Variants in CNTNAP4 observed in about 807,000 individuals in gnomAD.
CNTNAP4 encodes contactin-associated protein-like 4.
A neutral mutation model predicts 148.4 loss-of-function variants in CNTNAP4; 98 were observed. The ratio of observed to expected loss-of-function variants is 0.66; its 90% CI spans 0.56 to 0.78. The LOEUF (loss-of-function observed/expected upper bound fraction) is 0.78. Among genes scored for constraint, CNTNAP4 ranks in the 30% least tolerant of loss-of-function variants. CNTNAP4 has a pLI of 0.00. For missense variants in CNTNAP4, 1,935 were observed against 1,565.6 expected (o/e 1.24, Z -3.98); for synonymous variants, 730 against 565.1 (o/e 1.29, Z -4.14).
intron 3 of CNTNAP4, among the ~76,000 whole-genome samples, chr16:76,410,648 T>C (rs2078760105): frequency 6.6e-6 from 1 of 151,754 alleles, no homozygotes; most frequent in Non-Finnish European, 1.5e-5. Flanking sequence ...ATTACATTAT[T>C]ACTAAATAAA....
Position 76,498,482 on chromosome 16 carries a change from AT to A in CNTNAP4, c.2238-82del. ...GATCCATACTCTTTTGTAGGTGCAA[AT>A]TTAGTTCAGAACATCTTGGTTTTGC... On this transcript the variant is annotated intron_variant, in intron 14 of 23. Transcript: ENST00000611870. The A allele has an allele frequency of 8.3e-6, 10 of 1,201,608 alleles. No individual in the cohort carries two copies. The South Asian group carries it at 1.6e-4, about 19-fold the overall frequency. The allele number at this position is 1,201,608 out of a possible 1,614,324, so 74.4% of individuals were successfully genotyped here.
rs1347269229 is a variant in CNTNAP4 at position 76,467,535 on chromosome 16, C to T, written c.1655+12C>T. On this transcript the variant is annotated intron_variant, in intron 10 of 23. Coordinates refer to ENST00000611870, the MANE Select transcript of CNTNAP4 (RefSeq NM_033401.5). ...GGCATCTCAGACAGGTAAGGGCAATCTCACTTCATTTTGACCTGCTTTCAA... is the reference window on the plus strand; with the variant it reads ...GGCATCTCAGACAGGTAAGGGCAATTTCACTTCATTTTGACCTGCTTTCAA... 6.3e-7 allele frequency: 1 copy of T among 1,576,184 alleles called. No homozygotes were observed.
intron 14 of CNTNAP4, among the ~76,000 whole-genome samples, chr16:76,497,877 TAAAAA>T (rs899938623): frequency 2.0e-5 from 3 of 150,952 alleles, no homozygotes; most frequent in African/African-American, 7.3e-5. Flanking sequence ...TTTCAAAAAA[TAAAAA>T]AGAAATCATA....
intron 1 of CNTNAP4, among the ~76,000 whole-genome samples, chr16:76,309,111 A>G (rs1351217460): frequency 1.3e-5 from 2 of 151,824 alleles, no homozygotes; most frequent in Non-Finnish European, 2.9e-5. Context: ...GGCCTATAAT[A>G]CTTTTTACCA....
intron 2 of CNTNAP4, among the ~76,000 whole-genome samples, chr16:76,340,430 A>G (rs1235311061): frequency 2.0e-5 from 3 of 151,978 alleles, no homozygotes; most frequent in South Asian, 2.1e-4. Flanking sequence ...ACATTTTTCA[A>G]ATTTCCCTTG....
At chr16:76,484,186 AAG>A (rs1023242398) in intron 12 of CNTNAP4, among the ~76,000 whole-genome samples, 10 of 148,330 alleles carry the variant, frequency 6.7e-5, no homozygotes, top group African/African-American at 9.9e-5. Flanking sequence ...TGTGTGGGGA[AAG>A]AGAGAGAGAG....
chr16:76,440,837 C>T (rs1270660450), intron 4 of CNTNAP4, among the ~76,000 whole-genome samples: 1 of 152,078 alleles, frequency 6.6e-6, no homozygotes, highest in Non-Finnish European at 1.5e-5. Flanking sequence ...TAGTAATTCA[C>T]TTGGGGGTGA....
chr16:76,382,085 AAAAGAG>A (rs2016040052), intron 3 of CNTNAP4, among the ~76,000 whole-genome samples: 2 of 151,280 alleles, frequency 1.3e-5, no homozygotes, highest in African/African-American at 4.8e-5. Context: ...AAAAAAAAAA[AAAAGAG>A]AAAGTTACCT....
chr16:76,423,270 G>T (rs546046452), intron 3 of CNTNAP4, among the ~76,000 whole-genome samples: 1 of 152,142 alleles, frequency 6.6e-6, no homozygotes, highest in East Asian at 1.9e-4. Flanking sequence ...GAACATAAAA[G>T]AATAGGATTT....
intron 17 of CNTNAP4, among the ~76,000 whole-genome samples, chr16:76,522,687 CT>C: frequency 3.3e-5 from 1 of 30,120 alleles, no homozygotes; most frequent in Non-Finnish European, 6.6e-5. Context: ...TCTTTCTCTC[CT>C]TTCTTTTCTT....
chr16:76,546,282 G>A (rs898998011), intron 21 of CNTNAP4, among the ~76,000 whole-genome samples: 25 of 152,296 alleles, frequency 1.6e-4, no homozygotes, highest in African/African-American at 4.8e-4. Context: ...CACGGGCCAC[G>A]GACAAGTACT....
chr16:76,496,107 G>GTGTGTGTGTGTGTGTGTGTGTA (rs1555576715), intron 14 of CNTNAP4, among the ~76,000 whole-genome samples: 62 of 151,202 alleles, frequency 4.1e-4, no homozygotes, highest in East Asian at 2.7e-3. Context: ...GTGTGTGTGT[G>GTGTGTGTGTGTGTGTGTGTGTA]CGTGTATTTC....
At chr16:76,379,354 T>C (rs1255511211) in intron 3 of CNTNAP4, among the ~76,000 whole-genome samples, 1 of 152,170 alleles carries the variant, frequency 6.6e-6, no homozygotes, top group African/African-American at 2.4e-5. Context: ...GTTAGGTAGT[T>C]TTCCTCTACT....
intron 4 of CNTNAP4, among the ~76,000 whole-genome samples, chr16:76,435,757 C>T (rs530587215): frequency 7.2e-5 from 11 of 152,220 alleles, no homozygotes; most frequent in African/African-American, 2.6e-4. Flanking sequence ...TCACAGTGGG[C>T]CATCTTTTAA....
intron 15 of CNTNAP4, among the ~76,000 whole-genome samples, chr16:76,504,125 GA>G (rs1298824992): frequency 6.6e-6 from 1 of 151,950 alleles, no homozygotes; most frequent in Admixed American, 6.6e-5. Flanking sequence ...GAAATGCAAA[GA>G]AAGTAGAATA....
At chr16:76,472,252 A>G (rs1354545403) in intron 10 of CNTNAP4, among the ~76,000 whole-genome samples, 3 of 151,980 alleles carry the variant, frequency 2.0e-5, no homozygotes, top group Admixed American at 6.6e-5. Flanking sequence ...ATAGGTTACT[A>G]GTAGTAAACA....
chr16:76,536,384 T>A lies in CNTNAP4; in HGVS notation c.2995+600T>A, dbSNP rs560435116. On this transcript the variant is annotated intron_variant, in intron 18 of 23. Coordinates refer to ENST00000611870, the MANE Select transcript of CNTNAP4 (RefSeq NM_033401.5). ...CTAATTGTTGTATTTTTAGTAGAGA[T>A]AGTGTTTCACCATGTTGCCCAGGCT... 4.3e-3 allele frequency among the ~76,000 whole-genome samples: 658 copies of A among 152,008 alleles called. 16 individuals are homozygous for A. The highest frequency in any genetic ancestry group is 6.2e-4 in the Non-Finnish European group (42 of 67,954).
chr16:76,529,683 C>G (rs1199682861), intron 17 of CNTNAP4, among the ~76,000 whole-genome samples: 2 of 152,136 alleles, frequency 1.3e-5, no homozygotes, highest in Non-Finnish European at 2.9e-5. Context: ...AGTAAGGACC[C>G]CTGACATAGT....
At chr16:76,413,570 A>AT (rs2078874711) in intron 3 of CNTNAP4, among the ~76,000 whole-genome samples, 1 of 150,546 alleles carries the variant, frequency 6.6e-6, no homozygotes, top group Non-Finnish European at 1.5e-5. Flanking sequence ...CAGTAAAAAA[A>AT]AAACCCTCCA....
Sources: gnomAD v4.1 joint callset for allele counts (sites outside exome capture counted in the v4.1 genomes callset) on GRCh38, gnomAD v4.1.1 for gene constraint, MANE v1.5 for transcripts, NCBI Gene and HGNC (gene_info 2026-07-23, HGNC 2026-07-21) for gene names.